The following ZBTB40 variants were observed in gnomAD, a reference collection of about 807,000 sequenced individuals.
ZBTB40 encodes the protein zinc finger and BTB domain-containing protein 40.
In ZBTB40, 60 loss-of-function variants were observed where a neutral mutation model predicts 117.5. The ratio of observed to expected loss-of-function variants is 0.51; its 90% confidence interval spans 0.41 to 0.63. The LOEUF (loss-of-function observed/expected upper bound fraction) is 0.63, where lower values mean the gene tolerates loss of function less well. Among genes scored for constraint, ZBTB40 ranks in the 30% least tolerant of loss-of-function variants. The pLI, the probability that ZBTB40 is intolerant of heterozygous loss-of-function variation, is 0.00. For missense variants in ZBTB40, 1,287 were observed against 1,498.5 expected (o/e 0.86, Z 2.33); for synonymous variants, 525 against 577.1 (o/e 0.91, Z 1.29).
chr1:22,492,091 ATTG>A (rs1569838712), intron 3 of ZBTB40, among the ~76,000 whole-genome samples: 1 of 152,290 alleles, frequency 6.6e-6, no homozygotes, highest in East Asian at 1.9e-4. Context: ...TGTGAGTATT[ATTG>A]TTAAGTCCTG....
In ZBTB40 at chr1:22,439,782, T is replaced by C. The variant is rs949316164; in HGVS notation, c.-70+10768T>C. ...ATGAGGAAGCATGAGTCCTCCAGCA[T>C]TGTTCTTTTTTAAGATTGTTTTGGC... On this transcript the variant is annotated intron_variant, in intron 1 of 8. Transcript: ENST00000650433. Among the ~76,000 whole-genome samples the C allele has an allele frequency of 5.9e-5, 9 of 152,220 alleles. No individual in the cohort carries two copies. In the East Asian group the frequency reaches 1.3e-3, roughly 23 times the overall value.
At chr1:22,512,201 T>C in intron 11 of ZBTB40, 67 bp downstream of exon 11, 2 of 1,562,644 alleles carry the variant, frequency 1.3e-6, no homozygotes, top group Non-Finnish European at 1.8e-6. Context: ...ATTTCAGGCC[T>C]TTCCCTTAGT....
intron 5 of ZBTB40, among the ~76,000 whole-genome samples, chr1:22,505,737 C>T (rs562700499): frequency 1.1e-3 from 163 of 152,304 alleles, no homozygotes; most frequent in Non-Finnish European, 1.7e-3. Flanking sequence ...TAGAGGTAGG[C>T]TACTTGCTGT....
Position 22,482,861 on chromosome 1 carries a change from G to A in ZBTB40, c.-69-7019G>A, listed in dbSNP as rs752155224. Among the ~76,000 whole-genome samples the A allele has an allele frequency of 5.3e-5, 8 of 152,184 alleles. No homozygotes were observed. In the East Asian group the frequency reaches 1.5e-3, roughly 29 times the overall value. ...TGGGAGGCCGAGGCAGGTGGATCAC[G>A]AGGTCAGGAGATCGAGACCATCCTG... On this transcript the variant is annotated intron_variant, in intron 1 of 17. Transcript: ENST00000375647.
At position 22,490,097 on chromosome 1, in the gene ZBTB40, A is replaced by G. The variant is rs200290185; in HGVS notation, c.149A>G (p.Lys50Arg). 1.5e-5 allele frequency: 25 copies of G among 1,614,162 alleles called. No individual in the cohort carries two copies. In the African/African-American group the frequency reaches 3.2e-4, roughly 21 times the overall value. Reference protein sequence around the residue: ...LVLAAASLLFKTLLDNTDTIS... With the variant: ...LVLAAASLLFRTLLDNTDTIS... ...CTGGCTGCTGCCAGCCTCCTGTTCA[A>G]AACCCTGCTGGATAACACAGATACC... The change falls in exon 2 of 18, where the codon AAA becomes AGA. Residue 50 changes from lysine to arginine, a missense_variant. Physicochemically the swap from Lys to Arg is conservative, Grantham distance 26. Around this residue, in one of 2 missense-constraint regions of ZBTB40, gnomAD observed 870 missense variants for 934.4 expected, o/e 0.93. Coordinates refer to ENST00000375647, the MANE Select transcript of ZBTB40 (RefSeq NM_014870.4).
chr1:22,508,430 C>T (rs1639132346), intron 7 of ZBTB40, 100 bp from the exon 8 acceptor site: 7 of 1,431,364 alleles, frequency 4.9e-6, no homozygotes, highest in Non-Finnish European at 6.9e-6. Flanking sequence ...ACTCCTTCCC[C>T]AAACATATTC....
chr1:22,463,195 A>C (rs1031047120), intron 1 of ZBTB40, among the ~76,000 whole-genome samples: 1 of 152,168 alleles, frequency 6.6e-6, no homozygotes. Flanking sequence ...GCTGGGATTC[A>C]TGCTCCTGGT....
At chr1:22,436,906 G>A (rs1301647818) in intron 1 of ZBTB40, among the ~76,000 whole-genome samples, 1 of 152,084 alleles carries the variant, frequency 6.6e-6, no homozygotes, top group East Asian at 1.9e-4. Context: ...GTCATCTATA[G>A]GGACAGAAAA....
At chr1:22,519,642 G>T in intron 13 of ZBTB40, 1 of 275,150 alleles carries the variant, frequency 3.6e-6, no homozygotes. Context: ...TTGTGCTGTT[G>T]ATGACAAAGG....
intron 1 of ZBTB40, among the ~76,000 whole-genome samples, chr1:22,485,309 C>T (rs1027555860): frequency 3.9e-5 from 6 of 152,242 alleles, no homozygotes; most frequent in African/African-American, 1.4e-4. Context: ...ATTGTTGATT[C>T]ACCTACTTTA....
chr1:22,447,153 CA>C (rs1378134565), upstream of ZBTB40, among the ~76,000 whole-genome samples: 6 of 151,538 alleles, frequency 4.0e-5, no homozygotes, highest in African/African-American at 1.2e-4. Context: ...AATGGTTACA[CA>C]GGTGCATATA....
At chr1:22,459,421 CCAATGGCCAGTCA>C (rs1442409881) in intron 1 of ZBTB40, among the ~76,000 whole-genome samples, 1 of 152,146 alleles carries the variant, frequency 6.6e-6, no homozygotes, top group African/African-American at 2.4e-5. Flanking sequence ...TATCTTTATC[CCAATGGCCAGTCA>C]GTTGTCTCAA....
intron 5 of ZBTB40, among the ~76,000 whole-genome samples, chr1:22,503,100 G>A (rs1638986736): frequency 7.9e-6 from 1 of 127,256 alleles, no homozygotes; most frequent in Non-Finnish European, 1.6e-5. Flanking sequence ...CTTTATCATT[G>A]AGCATTAGTA....
chr1:22,449,851 A>G (rs1012642350), upstream of ZBTB40, among the ~76,000 whole-genome samples: 1 of 152,132 alleles, frequency 6.6e-6, no homozygotes, highest in African/African-American at 2.4e-5. Flanking sequence ...ACTTATTCCT[A>G]TTGAGACTCC....
At chr1:22,520,914 A>C (rs1458420095) in intron 14 of ZBTB40, among the ~76,000 whole-genome samples, 2 of 152,268 alleles carry the variant, frequency 1.3e-5, no homozygotes, top group East Asian at 1.9e-4. Context: ...TTAGCGTTCC[A>C]GAACGGAGAC....
At chr1:22,464,780 A>G (rs1046173285) in intron 1 of ZBTB40, among the ~76,000 whole-genome samples, 6 of 152,182 alleles carry the variant, frequency 3.9e-5, no homozygotes, top group Admixed American at 3.9e-4. Flanking sequence ...TTATACACGT[A>G]TTCAGTTGCA....
At chr1:22,475,975 G>T (rs1641540859) in intron 1 of ZBTB40, among the ~76,000 whole-genome samples, 2 of 152,206 alleles carry the variant, frequency 1.3e-5, no homozygotes, top group Non-Finnish European at 2.9e-5. Context: ...CTGAGGCACA[G>T]AAGAGAGCCC....
intron 1 of ZBTB40, among the ~76,000 whole-genome samples, chr1:22,455,203 A>T (rs1039569512): frequency 5.3e-5 from 8 of 151,992 alleles, no homozygotes; most frequent in African/African-American, 1.9e-4. Flanking sequence ...AACAAATGTT[A>T]GACTTTTAGT....
At position 22,528,364 on chromosome 1, in the gene ZBTB40, A is replaced by G. The variant is rs1166413834; in HGVS notation, c.*1968A>G. On this transcript the variant is annotated 3_prime_UTR_variant, in exon 18 of 18. Coordinates refer to ENST00000375647, the MANE Select transcript of ZBTB40 (RefSeq NM_014870.4). The stretch of plus-strand genomic sequence containing the variant: ...GGGCTTGGGAGTTGCAGTGAATGTC[A>G]TTAAAATTTCTTCCAAAACAAAACT... The G allele has an allele frequency of 1.3e-5, 2 of 152,374 alleles. No individual in the cohort carries two copies. The highest frequency in any genetic ancestry group is 1.5e-5 in the Non-Finnish European group (1 of 68,038). 9.4% of individuals were successfully genotyped at this position (152,374 alleles called of 1,614,324 possible). A position where few individuals can be genotyped will look rare whatever the true frequency, so the allele number is the denominator to read the frequency against.
Sources: gnomAD v4.1 joint callset for allele counts (sites outside exome capture counted in the v4.1 genomes callset) on GRCh38, gnomAD v4.1.1 for gene constraint, gnomAD v4.1.1 regional missense constraint, MANE v1.5 for transcripts, NCBI Gene and HGNC (gene_info 2026-07-23, HGNC 2026-07-21) for gene names.